The following ZC3HC1 variants were observed in gnomAD, a reference collection of about 807,000 sequenced individuals.
ZC3HC1 encodes the protein zinc finger C3HC-type protein 1.
A neutral mutation model predicts 61.9 loss-of-function variants in ZC3HC1; 38 were observed. The ratio of observed to expected loss-of-function variants is 0.61; its 90% CI spans 0.47 to 0.81. The LOEUF (loss-of-function observed/expected upper bound fraction) is 0.81, where lower values mean the gene tolerates loss of function less well. ZC3HC1 is among the 30% of genes least tolerant of loss of function. The pLI is 0.00. For missense variants in ZC3HC1, 554 were observed against 622.7 expected (o/e 0.89, Z 1.17); for synonymous variants, 213 against 229.9 (o/e 0.93, Z 0.67).
Position 130,028,795 on chromosome 7 carries a change from C to T in ZC3HC1, c.621+107G>A. On this transcript the variant is annotated intron_variant, in intron 5 of 9. Coordinates refer to ENST00000358303, the MANE Select transcript of ZC3HC1 (RefSeq NM_016478.5). ...AAAGGTCAGATGAGAGACAGACAAG[C>T]AGTTCTCTTCACAGCAATTGCATCT... 2.1e-6 allele frequency: 3 copies of T among 1,408,792 alleles called. No individual in the cohort carries two copies. In the South Asian group the frequency reaches 4.3e-5, roughly 20 times the overall value. The allele number at this position is 1,408,792 out of a possible 1,614,324, so 87.3% of individuals were successfully genotyped here. A position where few individuals can be genotyped will look rare whatever the true frequency, so the allele number is the denominator to read the frequency against.
intron 4 of ZC3HC1, among the ~76,000 whole-genome samples, chr7:130,038,329 A>C (rs77153860): frequency 0.037 from 5,585 of 152,168 alleles, 161 homozygotes; most frequent in Admixed American, 0.084. Flanking sequence ...TACTGCAATA[A>C]ACTGCAGATT....
At chr7:130,022,194 A>C in intron 9 of ZC3HC1, 125 bp downstream of exon 9, 4 of 1,282,350 alleles carry the variant, frequency 3.1e-6, no homozygotes, top group East Asian at 2.4e-5. Context: ...AACAAACAAA[A>C]AAACCCAAAT....
At chr7:130,049,170 G>A (rs1446157648) in intron 1 of ZC3HC1, 26 bp from the exon 2 acceptor site, 6 of 1,555,598 alleles carry the variant, frequency 3.9e-6, no homozygotes, top group Non-Finnish European at 5.2e-6. Flanking sequence ...AAAACTGTTG[G>A]TAAACCTTTC....
intron 2 of ZC3HC1, among the ~76,000 whole-genome samples, chr7:130,041,363 T>C (rs1322958266): frequency 1.3e-5 from 2 of 151,800 alleles, no homozygotes; most frequent in African/African-American, 4.8e-5. Context: ...AATTTTTGTA[T>C]TTTTTGGTAG....
intron 4 of ZC3HC1, among the ~76,000 whole-genome samples, chr7:130,034,144 A>G (rs1168752283): frequency 6.7e-6 from 1 of 149,694 alleles, no homozygotes; most frequent in African/African-American, 2.5e-5. Context: ...TTAATGCCGC[A>G]TATTATTCTA....
intron 2 of ZC3HC1, chr7:130,043,931 G>A: frequency 2.3e-6 from 1 of 431,258 alleles, no homozygotes; most frequent in Non-Finnish European, 4.6e-6. Flanking sequence ...GAATATGGGA[G>A]GGAAAAATAG....
chr7:130,021,095 C>T (rs986582057), intron 9 of ZC3HC1, among the ~76,000 whole-genome samples: 8 of 151,058 alleles, frequency 5.3e-5, no homozygotes, highest in African/African-American at 4.9e-5. Flanking sequence ...TGAGTAGAGA[C>T]GAGGTTTCAC....
chr7:130,027,703 G>C (rs1793980711), intron 5 of ZC3HC1, among the ~76,000 whole-genome samples: 1 of 151,832 alleles, frequency 6.6e-6, no homozygotes, highest in Non-Finnish European at 1.5e-5. Flanking sequence ...ATTTTTAATA[G>C]AGACGGGGTT....
chr7:130,018,792 T>A lies in ZC3HC1; in HGVS notation c.1441-60A>T. ...TTCTTTTATAGAGACAAAGGATAGA[T>A]CATTTGTCCCACAATGATCTGGATA... On this transcript the variant is annotated intron_variant, in intron 9 of 9. Transcript: ENST00000358303. 2.8e-6 allele frequency: 4 copies of A among 1,448,550 alleles called. No homozygotes were observed. The East Asian group carries it at 9.2e-5, about 33-fold the overall frequency. 89.7% of individuals were successfully genotyped at this position (1,448,550 alleles called of 1,614,324 possible).
chr7:130,038,082 C>T (rs1025767818), intron 4 of ZC3HC1, among the ~76,000 whole-genome samples: 1 of 152,178 alleles, frequency 6.6e-6, no homozygotes, highest in Non-Finnish European at 1.5e-5. Context: ...TTGGGAGCAA[C>T]TGTGCCTGGC....
In ZC3HC1 at chr7:130,031,241, G is replaced by A. The variant is rs369459614; in HGVS notation, c.494-2212C>T. Among the ~76,000 whole-genome samples the A allele has an allele frequency of 6.0e-5, 9 of 149,148 alleles. 2 individuals carry two copies. Among genetic ancestry groups the A allele is most frequent in the South Asian group, 2.1e-4 (1 of 4,722 alleles). Reference sequence around the variant, plus strand: ...CTACTCGGGAGGCTGAGGCAGAATCGCTTGAACCCGGGAGGCGGAGGTTTG... The same window carrying A: ...CTACTCGGGAGGCTGAGGCAGAATCACTTGAACCCGGGAGGCGGAGGTTTG... On this transcript the variant is annotated intron_variant, in intron 4 of 9. Transcript: ENST00000358303.
At position 130,026,312 on chromosome 7, in the gene ZC3HC1, A is replaced by C; in HGVS notation, c.622T>G (p.Cys208Gly). Reference protein sequence around the residue: ...SLRPEDLKTMCLTEDKISLLL... With the variant: ...SLRPEDLKTMGLTEDKISLLL... The stretch of plus-strand genomic sequence containing the variant: ...AGACTGATCTTGTCTTCTGTCAAGC[A>C]CTACAAGGGAGCCAAGTAAAAAACT... Residue 208 changes from cysteine (C) to glycine (G), a missense_variant and splice_region_variant, in exon 6 of 10, where the codon TGC becomes GGC. Coordinates refer to ENST00000358303, the MANE Select transcript of ZC3HC1 (RefSeq NM_016478.5). 1 of 1,601,354 alleles carries C rather than the reference A, an allele frequency of 6.2e-7. No individual in the cohort carries two copies. Among genetic ancestry groups the C allele is most frequent in the Non-Finnish European group, 8.5e-7 (1 of 1,172,204 alleles).
intron 4 of ZC3HC1, among the ~76,000 whole-genome samples, chr7:130,032,034 G>A (rs965606958): frequency 6.6e-6 from 1 of 152,076 alleles, no homozygotes; most frequent in Non-Finnish European, 1.5e-5. Context: ...GACCAGCCTG[G>A]CCAACATGGT....
At chr7:130,043,930 A>G in intron 2 of ZC3HC1, 1 of 432,614 alleles carries the variant, frequency 2.3e-6, no homozygotes, top group Non-Finnish European at 4.6e-6. Flanking sequence ...TGAATATGGG[A>G]GGGAAAAATA....
Position 130,041,107 on chromosome 7 carries a change from C to T in ZC3HC1, c.259-6G>A, listed in dbSNP as rs754341124. The T allele has an allele frequency of 6.2e-7, 1 of 1,607,062 alleles. No individual in the cohort carries two copies. The highest frequency in any genetic ancestry group is 1.3e-5 in the African/African-American group (1 of 74,094). On this transcript the variant is annotated splice_polypyrimidine_tract_variant and splice_region_variant and intron_variant, in intron 2 of 9. Coordinates refer to ENST00000358303, the MANE Select transcript of ZC3HC1 (RefSeq NM_016478.5). ...TTACCTGCCCATTTCAAAGAGTATCCATGTTAAGAAAAACAACACAGCAAA... is the reference window on the plus strand; with the variant it reads ...TTACCTGCCCATTTCAAAGAGTATCTATGTTAAGAAAAACAACACAGCAAA...
rs754050024 is a variant in ZC3HC1, at chr7:130,029,056, A to G, written c.494-27T>C. 5.0e-6 allele frequency: 8 copies of G among 1,603,680 alleles called. No homozygotes were observed. In the African/African-American group the frequency reaches 1.1e-4, roughly 21 times the overall value. Reference sequence around the variant, plus strand: ...TGTGGAAAAAGTAAATTGGAAGATTATATTGGTGTAAACTGTAAAAAATAA... The same window carrying G: ...TGTGGAAAAAGTAAATTGGAAGATTGTATTGGTGTAAACTGTAAAAAATAA... On this transcript the variant is annotated intron_variant, in intron 4 of 9. Coordinates refer to ENST00000358303, the MANE Select transcript of ZC3HC1 (RefSeq NM_016478.5).
chr7:130,041,230 C>T (rs1276311159), intron 2 of ZC3HC1, 129 bp from the exon 3 acceptor site: 6 of 1,071,008 alleles, frequency 5.6e-6, no homozygotes, highest in African/African-American at 1.6e-5. Flanking sequence ...CTCTGTCTCC[C>T]AGGCTGGAGT....
At chr7:130,032,092 T>C (rs1227714325) in intron 4 of ZC3HC1, among the ~76,000 whole-genome samples, 2 of 151,862 alleles carry the variant, frequency 1.3e-5, no homozygotes, top group South Asian at 2.1e-4. Context: ...GGCATGGTGG[T>C]GGGTGCCTGT....
intron 5 of ZC3HC1, chr7:130,026,905 G>C (rs955132154): frequency 7.3e-5 from 11 of 149,950 alleles, no homozygotes; most frequent in African/African-American, 2.5e-4. Flanking sequence ...GGGAGGCGGA[G>C]CTTGCAGTGA....
Sources: gnomAD v4.1 joint callset for allele counts (sites outside exome capture counted in the v4.1 genomes callset) on GRCh38, gnomAD v4.1.1 for gene constraint, MANE v1.5 for transcripts, NCBI Gene and HGNC (gene_info 2026-07-23, HGNC 2026-07-21) for gene names.